The following CNTNAP2 variants were observed in gnomAD, a reference collection of about 807,000 sequenced individuals.
The protein encoded by CNTNAP2 is contactin associated protein 2.
A neutral mutation model predicts 155.2 loss-of-function variants in CNTNAP2; 98 were observed. The observed-to-expected ratio is 0.63, with a 90% CI of 0.54 to 0.75. The LOEUF is 0.75. CNTNAP2 is among the 30% of genes least tolerant of loss of function. The probability of loss-of-function intolerance (pLI) is 0.00; values close to 1 mark genes in which losing one functional copy is unlikely to be tolerated. For synonymous variants in CNTNAP2, 651 were observed against 631.2 expected, an observed-to-expected ratio of 1.03 and a Z score of -0.47; for missense variants, 1,727 against 1,688.1, an observed-to-expected ratio of 1.02 and a Z score of -0.40.
intron 20 of CNTNAP2, among the ~76,000 whole-genome samples, chr7:148,252,956 A>G (rs1419741217): frequency 6.6e-6 from 1 of 152,122 alleles, no homozygotes; most frequent in Non-Finnish European, 1.5e-5. Context: ...AATAACAACA[A>G]CAATGAGAAT....
chr7:148,033,636 G>C (rs1384697713), intron 15 of CNTNAP2, among the ~76,000 whole-genome samples: 1 of 152,124 alleles, frequency 6.6e-6, no homozygotes, highest in Admixed American at 6.5e-5. Flanking sequence ...GTTTTAATCT[G>C]TTAGATTTTT....
intron 18 of CNTNAP2, among the ~76,000 whole-genome samples, chr7:148,181,453 T>G (rs1002052692): frequency 6.6e-6 from 1 of 152,154 alleles, no homozygotes; most frequent in Non-Finnish European, 1.5e-5. Context: ...GAAAATAATT[T>G]TGACTTAATT....
At chr7:147,343,210 A>T (rs1293034956) in intron 9 of CNTNAP2, among the ~76,000 whole-genome samples, 1 of 152,126 alleles carries the variant, frequency 6.6e-6, no homozygotes, top group Non-Finnish European at 1.5e-5. Context: ...TGCTGCTGTT[A>T]TTCGTAACAG....
At chr7:148,081,126 CAT>C (rs1405138206) in intron 15 of CNTNAP2, among the ~76,000 whole-genome samples, 1 of 152,126 alleles carries the variant, frequency 6.6e-6, no homozygotes, top group Admixed American at 6.6e-5. Flanking sequence ...GACAAAGAAA[CAT>C]GTGAAGAAGT....
At chr7:148,330,341 G>C (rs1460632954) in intron 21 of CNTNAP2, among the ~76,000 whole-genome samples, 4 of 151,416 alleles carry the variant, frequency 2.6e-5, no homozygotes, top group African/African-American at 7.3e-5. Flanking sequence ...AGATGGAATG[G>C]ATGGATGGAG....
intron 9 of CNTNAP2, among the ~76,000 whole-genome samples, chr7:147,368,096 TCACA>T (rs5888250): frequency 0.17 from 20,132 of 116,908 alleles, 1,976 homozygotes; most frequent in Non-Finnish European, 0.23. Context: ...TCTCTCTCTG[TCACA>T]CACACACACA....
At chr7:147,386,453 T>C (rs1796627314) in intron 9 of CNTNAP2, among the ~76,000 whole-genome samples, 1 of 152,194 alleles carries the variant, frequency 6.6e-6, no homozygotes, top group Non-Finnish European at 1.5e-5. Context: ...AATGCTTTTC[T>C]GCTTAGAAAT....
chr7:147,025,888 T>G (rs1007791808), intron 3 of CNTNAP2, among the ~76,000 whole-genome samples: 2 of 151,766 alleles, frequency 1.3e-5, no homozygotes, highest in African/African-American at 4.8e-5. Flanking sequence ...ATTTTTTAAT[T>G]TGTTGAGATC....
At position 147,168,971 on chromosome 7, in the gene CNTNAP2, T is replaced by C. The variant is rs185181398; in HGVS notation, c.1348+36462T>C. Among the ~76,000 whole-genome samples the C allele has an allele frequency of 5.7e-4, 87 of 152,282 alleles. 1 individual carries two copies. The East Asian group carries it at 0.012, about 21-fold the overall frequency. On this transcript the variant is annotated intron_variant, in intron 8 of 23. Transcript: ENST00000361727. ...AAATCAGTGCCTTTATAAGACCAAA[T>C]GAGTATATCAATCTCAGATTAAACA...
intron 21 of CNTNAP2, among the ~76,000 whole-genome samples, chr7:148,329,431 C>T (rs894478570): frequency 8.6e-5 from 13 of 152,044 alleles, no homozygotes; most frequent in Non-Finnish European, 1.2e-4. Context: ...GGCATGGTGG[C>T]GGGCTGGGGA....
intron 14 of CNTNAP2, among the ~76,000 whole-genome samples, chr7:147,925,752 C>CG (rs1800387571): frequency 6.6e-6 from 1 of 152,236 alleles, no homozygotes; most frequent in Non-Finnish European, 1.5e-5. Context: ...TGAGCCACCA[C>CG]GCCCGGCCAT....
At chr7:148,169,785 C>T (rs1805740812) in intron 17 of CNTNAP2, among the ~76,000 whole-genome samples, 1 of 152,140 alleles carries the variant, frequency 6.6e-6, no homozygotes, top group Non-Finnish European at 1.5e-5. Flanking sequence ...CATGGTGAAA[C>T]CCCATCTCTA....
Position 148,413,163 on chromosome 7 carries a change from A to G in CNTNAP2, c.3797-2254A>G, listed in dbSNP as rs534942153. On this transcript the variant is annotated intron_variant, in intron 23 of 23. Transcript: ENST00000361727. ...TCCCAGCACTTTGGGAGGCCGAGGC[A>G]GGTGGATTACCTGAGGTCAGGAGTT... 1.6e-4 allele frequency among the ~76,000 whole-genome samples: 25 copies of G among 151,566 alleles called. No homozygotes were observed. In the East Asian group the frequency reaches 4.9e-3, roughly 29 times the overall value.
At chr7:146,601,426 A>G (rs1199785984) in intron 1 of CNTNAP2, among the ~76,000 whole-genome samples, 1 of 152,126 alleles carries the variant, frequency 6.6e-6, no homozygotes, top group African/African-American at 2.4e-5. Context: ...AGTCCTTAAA[A>G]TTCTACTGCT....
At chr7:146,863,002 T>C (rs1795134607) in intron 3 of CNTNAP2, among the ~76,000 whole-genome samples, 1 of 152,196 alleles carries the variant, frequency 6.6e-6, no homozygotes, top group Non-Finnish European at 1.5e-5. Context: ...ATTTATATGT[T>C]CTTACAGTGA....
intron 1 of CNTNAP2, among the ~76,000 whole-genome samples, chr7:146,464,915 T>G (rs1444402811): frequency 6.6e-6 from 1 of 152,166 alleles, no homozygotes; most frequent in Admixed American, 6.6e-5. Flanking sequence ...CCTGCCTCAG[T>G]GCTTGGACCC....
intron 5 of CNTNAP2, among the ~76,000 whole-genome samples, chr7:147,113,168 G>A (rs1281791448): frequency 2.0e-5 from 3 of 151,896 alleles, no homozygotes; most frequent in Admixed American, 6.6e-5. Flanking sequence ...TCTAGTTTAT[G>A]TGCATAGAGG....
intron 1 of CNTNAP2, among the ~76,000 whole-genome samples, chr7:146,194,229 A>G (rs1798745824): frequency 6.6e-6 from 1 of 152,196 alleles, no homozygotes; most frequent in Non-Finnish European, 1.5e-5. Flanking sequence ...CTCTACTGGT[A>G]CCAATTTACT....
chr7:146,742,661 A>G (rs1164193258), intron 1 of CNTNAP2, among the ~76,000 whole-genome samples: 2 of 152,158 alleles, frequency 1.3e-5, no homozygotes, highest in Non-Finnish European at 2.9e-5. Context: ...AATGAAGAAG[A>G]TTTAAGTAGG....
Sources: allele counts gnomAD v4.1 joint callset (sites outside exome capture counted in the v4.1 genomes callset), GRCh38; gene constraint gnomAD v4.1.1; transcripts MANE v1.5; gene names NCBI Gene and HGNC (gene_info 2026-07-23, HGNC 2026-07-21).